The following CDIN1 variants were observed in gnomAD, a reference collection of about 807,000 sequenced individuals.
CDIN1 encodes CDAN1-interacting nuclease 1.
Under a neutral mutation model 45.3 loss-of-function variants are expected in CDIN1, and 33 were observed. That is an observed-to-expected ratio of 0.73 (90% confidence interval 0.55 to 0.97). CDIN1 has a LOEUF of 0.97. Among genes scored for constraint, CDIN1 ranks in the 50% least tolerant of loss-of-function variants. CDIN1 has a pLI of 0.00. For missense variants in CDIN1, 303 were observed against 339.4 expected (o/e 0.89, Z 0.84); for synonymous variants, 118 against 124.4 (o/e 0.95, Z 0.34).
At chr15:36,791,997 C>T (rs762730289) in intron 10 of CDIN1, among the ~76,000 whole-genome samples, 1 of 152,166 alleles carries the variant, frequency 6.6e-6, no homozygotes, top group Non-Finnish European at 1.5e-5. Flanking sequence ...AATGGCAGCA[C>T]GCGCAGACCA....
At chr15:36,587,403 C>G (rs1013103592) in intron 1 of CDIN1, among the ~76,000 whole-genome samples, 4 of 148,448 alleles carry the variant, frequency 2.7e-5, no homozygotes, top group African/African-American at 9.9e-5. Flanking sequence ...TCTCACCTCT[C>G]TTTACCAGAA....
intron 1 of CDIN1, among the ~76,000 whole-genome samples, chr15:36,586,568 AAAC>A (rs199672077): frequency 1.3e-5 from 2 of 152,270 alleles, no homozygotes; most frequent in South Asian, 2.1e-4. Flanking sequence ...TTGGGTATTA[AAAC>A]AACAACAACA....
intron 10 of CDIN1, among the ~76,000 whole-genome samples, chr15:36,785,904 C>CATTT (rs2054478048): frequency 2.6e-5 from 4 of 152,166 alleles, no homozygotes; most frequent in Admixed American, 2.6e-4. Flanking sequence ...GTGGCACAGA[C>CATTT]CCCTGTAAGA....
intron 10 of CDIN1, among the ~76,000 whole-genome samples, chr15:36,785,639 C>T (rs77284873): frequency 0.019 from 2,911 of 152,288 alleles, 98 homozygotes; most frequent in African/African-American, 0.065. Context: ...AACTTGAAAA[C>T]TTGCTCTCCA....
intron 3 of CDIN1, among the ~76,000 whole-genome samples, chr15:36,653,499 G>T (rs1488734173): frequency 6.6e-6 from 1 of 151,348 alleles, no homozygotes; most frequent in African/African-American, 2.4e-5. Flanking sequence ...CTGGGGTTTT[G>T]TTTTGTTTGG....
intron 10 of CDIN1, among the ~76,000 whole-genome samples, chr15:36,784,509 G>A (rs1449568041): frequency 1.3e-5 from 2 of 152,120 alleles, no homozygotes; most frequent in African/African-American, 4.8e-5. Context: ...AATAATCACT[G>A]GTCTTTTGCC....
intron 10 of CDIN1, among the ~76,000 whole-genome samples, chr15:36,729,972 T>C (rs2043780161): frequency 6.6e-6 from 1 of 152,202 alleles, no homozygotes. Flanking sequence ...TTTTAAACTT[T>C]AGCTTTATTT....
intron 5 of CDIN1, among the ~76,000 whole-genome samples, chr15:36,688,799 C>T (rs2042145358): frequency 6.6e-6 from 1 of 152,164 alleles, no homozygotes; most frequent in Non-Finnish European, 1.5e-5. Flanking sequence ...AGTTCCTAAG[C>T]TTCAGAATCT....
intron 8 of CDIN1, chr15:36,704,364 C>A (rs1449229876): frequency 6.6e-6 from 1 of 152,110 alleles, no homozygotes; most frequent in Non-Finnish European, 1.5e-5. Flanking sequence ...CTAAAGATTT[C>A]ATTTATCGGT....
chr15:36,713,088 A>G (rs2043111364), intron 10 of CDIN1, among the ~76,000 whole-genome samples: 1 of 152,202 alleles, frequency 6.6e-6, no homozygotes, highest in African/African-American at 2.4e-5. Context: ...TACCAGTCTA[A>G]GGTCAGATTA....
At chr15:36,713,408 C>G (rs1480167136) in intron 10 of CDIN1, among the ~76,000 whole-genome samples, 1 of 151,962 alleles carries the variant, frequency 6.6e-6, no homozygotes, top group East Asian at 1.9e-4. Flanking sequence ...CTGCTTCTCT[C>G]AAAGAAAATC....
chr15:36,615,765 A>C (rs1193915903), intron 1 of CDIN1, among the ~76,000 whole-genome samples: 1 of 152,236 alleles, frequency 6.6e-6, no homozygotes, highest in Non-Finnish European at 1.5e-5. Context: ...TAGTTTTTTA[A>C]AAACACAGTC....
At position 36,705,305 on chromosome 15, in the gene CDIN1, G is replaced by A. The variant is rs1595497520; in HGVS notation, c.545-3918G>A. The A allele has an allele frequency of 1.3e-5, 2 of 152,110 alleles. 1 individual carries two copies. The highest frequency in any genetic ancestry group is 4.8e-5 in the African/African-American group (2 of 41,410). The allele number at this position is 152,110 out of a possible 1,614,324, so 9.4% of individuals were successfully genotyped here. A position where few individuals can be genotyped will look rare whatever the true frequency, so the allele number is the denominator to read the frequency against. ...TCTAGTTCATCTCCTTTTCAGGCAG[G>A]TGTTGTCTAAATAGCTCACAGATGG... On this transcript the variant is annotated intron_variant, in intron 8 of 10. Coordinates refer to ENST00000566621, the MANE Select transcript of CDIN1 (RefSeq NM_001321759.2).
At chr15:36,612,715 T>C (rs1274419725) in intron 1 of CDIN1, among the ~76,000 whole-genome samples, 26 of 152,196 alleles carry the variant, frequency 1.7e-4, no homozygotes, top group Admixed American at 1.7e-3. Flanking sequence ...ATATGGCTTT[T>C]ACAGATTTCC....
Position 36,767,141 on chromosome 15 carries a change from C to A in CDIN1, c.717-41183C>A, listed in dbSNP as rs150730978. On this transcript the variant is annotated intron_variant, in intron 10 of 10. Transcript: ENST00000566621. ...TGTAAGATAAGGGTCCAATTTTATT[C>A]TTTTGCCTGGGGATGTCCAATTTTC... Among the ~76,000 whole-genome samples, 68 of 150,256 alleles carry A rather than the reference C, an allele frequency of 4.5e-4. 1 individual carries two copies. Among genetic ancestry groups the A allele is most frequent in the African/African-American group, 1.6e-3 (64 of 41,020 alleles).
At chr15:36,613,965 C>A (rs2038769673) in intron 1 of CDIN1, 3 of 1,536,638 alleles carry the variant, frequency 2.0e-6, no homozygotes, top group Non-Finnish European at 2.7e-6. Flanking sequence ...GACTGATGGA[C>A]CAGAACCTGA....
In CDIN1 at chr15:36,619,204, A is replaced by G. The variant is rs546692855; in HGVS notation, c.102-25074A>G. On this transcript the variant is annotated intron_variant, in intron 1 of 10. Transcript: ENST00000566621. ...GAGATGCCAGTTTAGTCGTAGGGCT[A>G]TACCTCAGGGAGTGACATGACGTAA... 96 of 1,323,400 alleles carry G rather than the reference A, an allele frequency of 7.3e-5. No homozygotes were observed. The African/African-American group carries it at 1.1e-3, about 16-fold the overall frequency. The allele number at this position is 1,323,400 out of a possible 1,614,324, so 82.0% of individuals were successfully genotyped here. A position where few individuals can be genotyped will look rare whatever the true frequency, so the allele number is the denominator to read the frequency against.
At chr15:36,586,612 G>A (rs570467725) in intron 1 of CDIN1, among the ~76,000 whole-genome samples, 3 of 152,216 alleles carry the variant, frequency 2.0e-5, no homozygotes, top group African/African-American at 7.2e-5. Context: ...CAAAATAGCT[G>A]GGCACCTGTA....
At chr15:36,718,812 C>CTTTTT (rs3045909) in intron 10 of CDIN1, among the ~76,000 whole-genome samples, 74 of 96,640 alleles carry the variant, frequency 7.7e-4, no homozygotes, top group Non-Finnish European at 1.1e-3. Flanking sequence ...AATTTGTATG[C>CTTTTT]TTTTTTTTTT....
Sources: gnomAD v4.1 joint callset for allele counts (sites outside exome capture counted in the v4.1 genomes callset) on GRCh38, gnomAD v4.1.1 for gene constraint, MANE v1.5 for transcripts, NCBI Gene and HGNC (gene_info 2026-07-23, HGNC 2026-07-21) for gene names.